Variants in OTOF observed in about 807,000 individuals in gnomAD.
The protein encoded by OTOF is fer-1-like family member 2.
A neutral mutation model predicts 236.8 loss-of-function variants in OTOF; 218 were observed. The ratio of observed to expected loss-of-function variants is 0.92; its 90% confidence interval spans 0.82 to 1.03. OTOF has a LOEUF of 1.03. Ranked by LOEUF, OTOF falls within the 50% of genes least tolerant of loss-of-function variation. OTOF has a pLI of 0.00. For missense variants in OTOF, 2,590 were observed against 2,694.4 expected (o/e 0.96, Z 0.86); for synonymous variants, 1,041 against 1,072.5 (o/e 0.97, Z 0.57).
chr2:26,537,526 G>T (rs574467240), intron 2 of OTOF, among the ~76,000 whole-genome samples, 190 bp downstream of exon 2: 1 of 152,206 alleles, frequency 6.6e-6, no homozygotes, highest in Non-Finnish European at 1.5e-5. Context: ...GTTTCTGGGG[G>T]GAACATGGGG....
rs1421135201 is a variant in OTOF at position 26,477,799 on chromosome 2, G to A, written c.2215-50C>T. ...GCTGGGCCACAGCCCCGCCTCCCCA[G>A]CCTCCCCAAATGCCTCCTCCCTGTT... On this transcript the variant is annotated intron_variant, in intron 18 of 46. Transcript: ENST00000272371. This position sits in a 1 kb window ranked among gnomAD's most constrained non-coding sequence, Gnocchi z 4.7. 1.2e-6 allele frequency: 2 copies of A among 1,605,536 alleles called. No individual in the cohort carries two copies. The highest frequency in any genetic ancestry group is 1.7e-6 in the Non-Finnish European group (2 of 1,176,514).
At position 26,464,981 on chromosome 2, in the gene OTOF, C is replaced by T; in HGVS notation, c.4848G>A (p.Leu1616=). 6.5e-7 allele frequency: 1 copy of T among 1,530,880 alleles called. No individual in the cohort carries two copies. Among genetic ancestry groups the T allele is most frequent in the Non-Finnish European group, 8.8e-7 (1 of 1,134,364 alleles). 94.8% of individuals were successfully genotyped at this position (1,530,880 alleles called of 1,614,324 possible). The change falls in exon 39 of 47, where the codon CTG becomes CTA. Residue 1616 remains leucine (L), a synonymous_variant. Transcript: ENST00000272371. The part of the protein sequence containing the change: ...WRDPMKPSQI[L]TRLCKDGKVD... ...CTTTGCCGTCTTTGCAGAGGCGGGT[C>T]AGGATCTGGCTGGGCTTCATGGGGT...
intron 33 of OTOF, 144 bp downstream of exon 33, chr2:26,468,264 A>G: frequency 1.4e-6 from 1 of 736,716 alleles, no homozygotes; most frequent in Non-Finnish European, 2.5e-6. Context: ...AGTACTGCCC[A>G]TGGATTACTG....
At chr2:26,494,110 A>C (rs1665915976) in intron 9 of OTOF, among the ~76,000 whole-genome samples, 1 of 152,150 alleles carries the variant, frequency 6.6e-6, no homozygotes, top group Non-Finnish European at 1.5e-5. Context: ...CCTGGGCTGG[A>C]AGCTGGGTGG....
rs554496760 is a variant in OTOF, at chr2:26,480,599, G to A, written c.1803+187C>T. The stretch of plus-strand genomic sequence containing the variant: ...GTGAGACAGAGCACAGGCAGGCAGT[G>A]GACGAGGGCAGAGTCCTGTTGCGGG... On this transcript the variant is annotated intron_variant, in intron 15 of 46. Coordinates refer to ENST00000272371, the MANE Select transcript of OTOF (RefSeq NM_194248.3). Among the ~76,000 whole-genome samples the A allele has an allele frequency of 2.0e-5, 3 of 152,300 alleles. No homozygotes were observed. In the East Asian group the frequency reaches 5.8e-4, roughly 29 times the overall value.
chr2:26,552,291 G>A (rs1667481575), intron 1 of OTOF, among the ~76,000 whole-genome samples: 1 of 152,196 alleles, frequency 6.6e-6, no homozygotes, highest in Admixed American at 6.5e-5. Context: ...TCGGGAGGCT[G>A]AGGTGGGAGC....
At chr2:26,508,676 G>A (rs1236785764) in intron 5 of OTOF, among the ~76,000 whole-genome samples, 1 of 152,198 alleles carries the variant, frequency 6.6e-6, no homozygotes, top group East Asian at 1.9e-4. Flanking sequence ...CACACTATGA[G>A]TTCTTTCGTG....
intron 3 of OTOF, among the ~76,000 whole-genome samples, chr2:26,520,307 C>T (rs1666644972): frequency 6.6e-6 from 1 of 152,124 alleles, no homozygotes; most frequent in African/African-American, 2.4e-5. Context: ...GGGGAAGGGA[C>T]ACAGCTAATT....
Position 26,461,801 on chromosome 2 carries a change from T to G in OTOF, c.5428A>C (p.Lys1810Gln), listed in dbSNP as rs937418267. 6 of 1,614,022 alleles carry G rather than the reference T, an allele frequency of 3.7e-6. No homozygotes were observed. The African/African-American group carries it at 6.7e-5, about 18-fold the overall frequency. ...TCCCAGGAGAACATGGACTCCTTCT[T>G]GGAGATGACGATCTTCTCCTCCGCC... ...LAAEEKIVISKKESMFSWDET... is the reference protein window; with the variant it reads ...LAAEEKIVISQKESMFSWDET... Residue 1810 changes from lysine to glutamine, a missense_variant, in exon 43 of 47, where the codon AAG (lysine) becomes CAG (glutamine). Physicochemically the swap from Lys to Gln is moderately conservative, Grantham distance 53. This residue lies in a region of OTOF where 1,211 missense variants were observed against 1,352.8 expected (regional missense o/e 0.90). Coordinates refer to ENST00000272371, the MANE Select transcript of OTOF (RefSeq NM_194248.3). This position sits in a 1 kb window ranked among gnomAD's most constrained non-coding sequence, Gnocchi z 6.2.
chr2:26,485,148 G>C (rs1665670959), intron 11 of OTOF, among the ~76,000 whole-genome samples: 1 of 152,212 alleles, frequency 6.6e-6, no homozygotes, highest in African/African-American at 2.4e-5. Context: ...CCTCCTTGCT[G>C]AACAGGTGTT....
In OTOF at chr2:26,470,995, G is replaced by T; in HGVS notation, c.3894+126C>A. On this transcript the variant is annotated intron_variant, in intron 31 of 46. Coordinates refer to ENST00000272371, the MANE Select transcript of OTOF (RefSeq NM_194248.3). The surrounding 1 kb of genome is among the most constrained non-coding windows in gnomAD (Gnocchi z 4.3). ...TCTTTTCCACTGCATCTTAGGGGAGGTGTGCTGGCCCAAGCATGCGGGGGC... is the reference window on the plus strand; with the variant it reads ...TCTTTTCCACTGCATCTTAGGGGAGTTGTGCTGGCCCAAGCATGCGGGGGC... The T allele has an allele frequency of 8.0e-7, 1 of 1,254,066 alleles. No homozygotes were observed. Among genetic ancestry groups the T allele is most frequent in the Non-Finnish European group, 1.2e-6 (1 of 856,834 alleles). The allele number at this position is 1,254,066 out of a possible 1,614,324, so 77.7% of individuals were successfully genotyped here.
At chr2:26,531,860 A>C (rs1309303531) in intron 2 of OTOF, among the ~76,000 whole-genome samples, 1 of 152,098 alleles carries the variant, frequency 6.6e-6, no homozygotes, top group Non-Finnish European at 1.5e-5. Context: ...TTGGGAGGCC[A>C]AAGTGGGCAG....
chr2:26,545,839 C>G (rs1427803151), intron 1 of OTOF, among the ~76,000 whole-genome samples: 2 of 152,126 alleles, frequency 1.3e-5, no homozygotes, highest in Admixed American at 6.6e-5. Context: ...TATTTCTGGA[C>G]ACTATTCTGC....
chr2:26,481,038 G>C, intron 14 of OTOF, 29 bp from the exon 15 acceptor site: 1 of 1,543,090 alleles, frequency 6.5e-7, no homozygotes, highest in Non-Finnish European at 8.9e-7. Flanking sequence ...AAATGAGGGG[G>C]CAGCGTCACA....
At chr2:26,479,200 G>A (rs1572433775) in intron 18 of OTOF, 64 bp downstream of exon 18, 2 of 1,591,430 alleles carry the variant, frequency 1.3e-6, no homozygotes, top group East Asian at 2.3e-5. Context: ...TTCCAGGGAA[G>A]GCCCTCTGAC....
intron 3 of OTOF, among the ~76,000 whole-genome samples, 178 bp downstream of exon 3, chr2:26,527,654 A>T (rs1666841323): frequency 6.6e-6 from 1 of 152,208 alleles, no homozygotes; most frequent in Non-Finnish European, 1.5e-5. Context: ...AGACAAGAAG[A>T]GGGATCAAAA....
At chr2:26,514,717 C>G (rs905471710) in intron 5 of OTOF, among the ~76,000 whole-genome samples, 7 of 152,210 alleles carry the variant, frequency 4.6e-5, no homozygotes, top group African/African-American at 1.7e-4. Flanking sequence ...CCCAGTGTCA[C>G]TCAGCCAATG....
At position 26,502,404 on chromosome 2, in the gene OTOF, C is replaced by G. The variant is rs1666139095; in HGVS notation, c.606G>C (p.Met202Ile). The G allele has an allele frequency of 2.5e-6, 4 of 1,613,578 alleles. No individual in the cohort carries two copies. The highest frequency in any genetic ancestry group is 3.4e-6 in the Non-Finnish European group (4 of 1,179,902). ...QRPDEPAVLE[M>I]EDLDHLAIRL... ...GAATGGCCAGATGGTCAAGGTCTTC[C>G]ATCTCCAGCACCGCCGGTTCATCTG... The change falls in exon 7 of 47, where the codon ATG (methionine) becomes ATC (isoleucine). Residue 202 changes from methionine (M) to isoleucine (I), a missense_variant. Around this residue, in one of 2 missense-constraint regions of OTOF, gnomAD observed 1,379 missense variants for 1,341.6 expected, o/e 1.03. Coordinates refer to ENST00000272371, the MANE Select transcript of OTOF (RefSeq NM_194248.3).
intron 5 of OTOF, among the ~76,000 whole-genome samples, chr2:26,504,456 C>T (rs1666199334): frequency 6.6e-6 from 1 of 152,124 alleles, no homozygotes; most frequent in Admixed American, 6.5e-5. Flanking sequence ...CTCCTTGGTC[C>T]CCATGAAAAA....
Sources: allele counts gnomAD v4.1 joint callset (sites outside exome capture counted in the v4.1 genomes callset), GRCh38; gene constraint gnomAD v4.1.1; regional missense constraint gnomAD v4.1.1; non-coding constraint Gnocchi (gnomAD v3.1); transcripts MANE v1.5; gene names NCBI Gene and HGNC (gene_info 2026-07-23, HGNC 2026-07-21).